Variants in ZFHX3 observed in about 807,000 individuals in gnomAD.
ZFHX3 encodes the protein zinc finger homeobox protein 3.
In ZFHX3, 42 loss-of-function variants were observed where a neutral mutation model predicts 279.1. That is an observed-to-expected ratio of 0.15 (90% confidence interval 0.12 to 0.19). The LOEUF is 0.19. Ranked by LOEUF, ZFHX3 falls within the 10% of genes least tolerant of loss-of-function variation. ZFHX3 has a pLI of 1.00. For synonymous variants in ZFHX3, 2,293 were observed against 1,957.8 expected (o/e 1.17, Z -4.52); for missense variants, 4,981 against 4,754.0 (o/e 1.05, Z -1.40).
intron 5 of ZFHX3, among the ~76,000 whole-genome samples, chr16:73,166,341 T>C (rs1967367041): frequency 6.6e-6 from 1 of 152,050 alleles, no homozygotes; most frequent in Non-Finnish European, 1.5e-5. Context: ...CGAGTCGGGT[T>C]TGGACAAACA....
intron 4 of ZFHX3, among the ~76,000 whole-genome samples, chr16:73,279,330 G>A (rs2014399423): frequency 1.3e-5 from 2 of 151,850 alleles, no homozygotes. Flanking sequence ...AAATTATTGG[G>A]TATTTTATCC....
At chr16:73,404,204 C>T (rs2017314648) in intron 3 of ZFHX3, among the ~76,000 whole-genome samples, 1 of 152,126 alleles carries the variant, frequency 6.6e-6, no homozygotes, top group Non-Finnish European at 1.5e-5. Flanking sequence ...CCCCCTCAAC[C>T]CACTTAGCTC....
chr16:73,078,708 A>C (rs2144763347), intron 8 of ZFHX3, among the ~76,000 whole-genome samples: 1 of 150,920 alleles, frequency 6.6e-6, no homozygotes, highest in Non-Finnish European at 1.5e-5. Context: ...GCAGTGGCGC[A>C]ATCTCCACTC....
chr16:72,983,527 T>G (rs1158310990), intron 1 of ZFHX3, among the ~76,000 whole-genome samples: 1 of 152,096 alleles, frequency 6.6e-6, no homozygotes, highest in Non-Finnish European at 1.5e-5. Flanking sequence ...AGCAACATAG[T>G]AAGACCCCCA....
intron 1 of ZFHX3, among the ~76,000 whole-genome samples, chr16:73,784,337 T>C (rs891639512): frequency 6.6e-6 from 1 of 152,128 alleles, no homozygotes; most frequent in Non-Finnish European, 1.5e-5. Flanking sequence ...ATGCTTAACA[T>C]ATCTAGTGCC....
chr16:73,699,291 C>T (rs1318065410), intron 1 of ZFHX3, among the ~76,000 whole-genome samples: 1 of 152,052 alleles, frequency 6.6e-6, no homozygotes, highest in Non-Finnish European at 1.5e-5. Context: ...TACAACTTTT[C>T]TCTAAGTCTG....
At chr16:73,891,444 C>G (rs561991123) in intron 1 of ZFHX3, among the ~76,000 whole-genome samples, 91 of 152,162 alleles carry the variant, frequency 6.0e-4, no homozygotes, top group Non-Finnish European at 9.0e-4. Context: ...GTAGCTCCCC[C>G]ACCCTCCTAC....
At chr16:72,970,157 G>A (rs1309211075) in intron 1 of ZFHX3, among the ~76,000 whole-genome samples, 1 of 151,996 alleles carries the variant, frequency 6.6e-6, no homozygotes, top group African/African-American at 2.4e-5. Flanking sequence ...AGTCGTGACA[G>A]CGGAGGCAGG....
chr16:73,227,520 G>T (rs78297357), intron 5 of ZFHX3, among the ~76,000 whole-genome samples: 3,364 of 152,166 alleles, frequency 0.022, 131 homozygotes, highest in African/African-American at 0.076. Flanking sequence ...GGTCATAGCT[G>T]CTGGATTACA....
At chr16:73,690,064 C>T (rs2053133652) in intron 1 of ZFHX3, among the ~76,000 whole-genome samples, 1 of 152,134 alleles carries the variant, frequency 6.6e-6, no homozygotes, top group Non-Finnish European at 1.5e-5. Context: ...TACAGGTGCA[C>T]ACCACACGTC....
chr16:73,720,154 G>A (rs1404745787), intron 1 of ZFHX3, among the ~76,000 whole-genome samples: 2 of 152,190 alleles, frequency 1.3e-5, no homozygotes, highest in African/African-American at 2.4e-5. Flanking sequence ...CACTGGCAAA[G>A]TTTCATGTTT....
intron 4 of ZFHX3, among the ~76,000 whole-genome samples, chr16:73,275,497 C>A (rs2014271615): frequency 6.6e-6 from 1 of 152,044 alleles, no homozygotes; most frequent in Admixed American, 6.5e-5. Context: ...TCTAGAAACT[C>A]CAATATGTTA....
Position 73,618,459 on chromosome 16 carries a change from G to A in ZFHX3, c.-1547+61721C>T, listed in dbSNP as rs2052326709. Among the ~76,000 whole-genome samples, 2 of 152,188 alleles carry A rather than the reference G, an allele frequency of 1.3e-5. 1 individual carries two copies. Among genetic ancestry groups the A allele is most frequent in the Admixed American group, 1.3e-4 (2 of 15,280 alleles). On this transcript the variant is annotated intron_variant, in intron 2 of 17. Coordinates refer to the ZFHX3 transcript ENST00000641206. ...TTATTGTCATTCTCTATCTGCAGAT[G>A]AGGACACTGAAGCTTAGAAAATTTC...
At chr16:73,389,265 T>A (rs1273979954) in intron 3 of ZFHX3, 1 of 152,050 alleles carries the variant, frequency 6.6e-6, no homozygotes, top group African/African-American at 2.4e-5. Context: ...GACCTGCTGA[T>A]TCGTTTGTGT....
At chr16:73,088,443 T>A (rs142694022) in intron 8 of ZFHX3, among the ~76,000 whole-genome samples, 2 of 152,340 alleles carry the variant, frequency 1.3e-5, no homozygotes, top group Non-Finnish European at 2.9e-5. Context: ...TGAACCACTG[T>A]GCCTGCCACA....
chr16:73,172,988 GTTTTTTTGTT>G (rs1393918331), intron 5 of ZFHX3, among the ~76,000 whole-genome samples: 1 of 46,170 alleles, frequency 2.2e-5, no homozygotes, highest in Non-Finnish European at 3.5e-5. Flanking sequence ...TGATGGGACT[GTTTTTTTGTT>G]TTTTTTTTTG....
intron 1 of ZFHX3, among the ~76,000 whole-genome samples, chr16:73,690,772 T>C (rs1399299743): frequency 6.6e-6 from 1 of 152,226 alleles, no homozygotes; most frequent in Non-Finnish European, 1.5e-5. Context: ...GGAAGACAAG[T>C]GGCCCAGCCA....
intron 3 of ZFHX3, among the ~76,000 whole-genome samples, chr16:73,364,865 G>T (rs543928336): frequency 6.6e-6 from 1 of 152,270 alleles, no homozygotes; most frequent in South Asian, 2.1e-4. Flanking sequence ...AGAGATCATG[G>T]ATTTGCTTCC....
At chr16:73,290,123 T>C (rs1293953757) in intron 4 of ZFHX3, among the ~76,000 whole-genome samples, 2 of 152,052 alleles carry the variant, frequency 1.3e-5, no homozygotes, top group Non-Finnish European at 2.9e-5. Flanking sequence ...ACAGTATTCA[T>C]TGAGTGCTCG....
Sources: allele counts gnomAD v4.1 joint callset (sites outside exome capture counted in the v4.1 genomes callset), GRCh38; gene constraint gnomAD v4.1.1; transcripts MANE v1.5; gene names NCBI Gene and HGNC (gene_info 2026-07-23, HGNC 2026-07-21).